The following ZCCHC17 variants were observed in gnomAD, a reference collection of about 807,000 sequenced individuals.
The protein encoded by ZCCHC17 is zinc finger CCHC domain-containing protein 17.
In ZCCHC17, 18 loss-of-function variants were observed where a neutral mutation model predicts 30.6. That is an observed-to-expected ratio of 0.59 (90% CI 0.41 to 0.87). The LOEUF is 0.87. Among genes scored for constraint, ZCCHC17 ranks in the 40% least tolerant of loss-of-function variants. The pLI, the probability that ZCCHC17 is intolerant of heterozygous loss-of-function variation, is 0.00. For synonymous variants in ZCCHC17, 88 were observed against 92.4 expected (o/e 0.95, Z 0.27); for missense variants, 263 against 284.2 (o/e 0.93, Z 0.54).
chr1:31,333,558 T>C (rs558254235), intron 3 of ZCCHC17, among the ~76,000 whole-genome samples: 22 of 152,170 alleles, frequency 1.4e-4, no homozygotes, highest in South Asian at 6.2e-4. Flanking sequence ...TGTGTGTGTG[T>C]ATGTGTGTGT....
intron 2 of ZCCHC17, chr1:31,318,129 T>G (rs1201020721): frequency 4.8e-6 from 7 of 1,459,892 alleles, no homozygotes; most frequent in Non-Finnish European, 6.4e-6. Flanking sequence ...TAAATAGCAG[T>G]GCAGTCAGGA....
chr1:31,337,063 A>G (rs1451661286), intron 3 of ZCCHC17, 112 bp from the exon 4 acceptor site: 1 of 963,484 alleles, frequency 1.0e-6, no homozygotes, highest in Non-Finnish European at 1.5e-6. Context: ...GCTTTTCAGT[A>G]AAAATTTTCA....
At chr1:31,342,609 C>G (rs1267623944) in intron 5 of ZCCHC17, among the ~76,000 whole-genome samples, 1 of 152,122 alleles carries the variant, frequency 6.6e-6, no homozygotes, top group Non-Finnish European at 1.5e-5. Context: ...GTTTGCACTC[C>G]TATGAGAATC....
intron 7 of ZCCHC17, among the ~76,000 whole-genome samples, chr1:31,353,835 T>A (rs1033877883): frequency 5.3e-5 from 8 of 152,236 alleles, no homozygotes; most frequent in Non-Finnish European, 7.3e-5. Flanking sequence ...TATGTCTTTA[T>A]GTCAGTACCA....
intron 7 of ZCCHC17, among the ~76,000 whole-genome samples, chr1:31,360,235 T>C (rs1639822306): frequency 6.6e-6 from 1 of 151,126 alleles, no homozygotes; most frequent in Non-Finnish European, 1.5e-5. Context: ...AGTGGCGCGA[T>C]CTTGGCTCAC....
At chr1:31,322,381 C>G (rs959572474) in intron 3 of ZCCHC17, among the ~76,000 whole-genome samples, 3 of 152,140 alleles carry the variant, frequency 2.0e-5, no homozygotes, top group African/African-American at 7.2e-5. Context: ...CCAGCACTTC[C>G]CCCCAAAGTT....
chr1:31,358,760 A>T (rs1176699540), intron 7 of ZCCHC17, among the ~76,000 whole-genome samples: 2 of 152,088 alleles, frequency 1.3e-5, no homozygotes, highest in Admixed American at 1.3e-4. Flanking sequence ...ATTCAAGTAG[A>T]CCATAGAGTA....
At chr1:31,351,255 A>G (rs1224440053) in intron 7 of ZCCHC17, among the ~76,000 whole-genome samples, 1 of 152,190 alleles carries the variant, frequency 6.6e-6, no homozygotes, top group African/African-American at 2.4e-5. Context: ...AAGTCCTGGC[A>G]GTGGTGCCTT....
intron 3 of ZCCHC17, among the ~76,000 whole-genome samples, chr1:31,336,713 G>A (rs979759757): frequency 3.9e-5 from 6 of 151,912 alleles, no homozygotes; most frequent in Admixed American, 2.6e-4. Flanking sequence ...CACCTGGGCT[G>A]GAGTGCAGTG....
At chr1:31,362,446 T>C (rs1251056544) in intron 7 of ZCCHC17, among the ~76,000 whole-genome samples, 1 of 152,204 alleles carries the variant, frequency 6.6e-6, no homozygotes, top group African/African-American at 2.4e-5. Context: ...ATGCCGTGCT[T>C]AAAATCTGCT....
chr1:31,329,405 G>A (rs1032846363), intron 3 of ZCCHC17, among the ~76,000 whole-genome samples: 1 of 151,864 alleles, frequency 6.6e-6, no homozygotes, highest in African/African-American at 2.4e-5. Context: ...ATGAAATTTT[G>A]AGAACAGATT....
At chr1:31,335,909 A>G (rs1022537835) in intron 3 of ZCCHC17, among the ~76,000 whole-genome samples, 2 of 151,996 alleles carry the variant, frequency 1.3e-5, no homozygotes, top group African/African-American at 2.4e-5. Flanking sequence ...ATTTTTTGTA[A>G]TTAATTTAAA....
rs535740438 is a variant in ZCCHC17 at position 31,317,642 on chromosome 1, A to T, written c.67-1467A>T. 8.7e-4 allele frequency among the ~76,000 whole-genome samples: 131 copies of T among 151,068 alleles called. 1 individual carries two copies. The highest frequency in any genetic ancestry group is 3.1e-3 in the African/African-American group (128 of 41,168). ...ACCTATACTGTTATTTTTTTTTTTTAAAGCTTTTTTAGAGATGGGTCTTGC... is the reference window on the plus strand; with the variant it reads ...ACCTATACTGTTATTTTTTTTTTTTTAAGCTTTTTTAGAGATGGGTCTTGC... On this transcript the variant is annotated intron_variant, in intron 2 of 7. Coordinates refer to ENST00000344147, the MANE Select transcript of ZCCHC17 (RefSeq NM_016505.4).
At chr1:31,322,505 A>G (rs1187979665) in intron 3 of ZCCHC17, among the ~76,000 whole-genome samples, 1 of 152,204 alleles carries the variant, frequency 6.6e-6, no homozygotes, top group East Asian at 1.9e-4. Context: ...GTGAGACCCA[A>G]AGTGTTCCGA....
chr1:31,334,809 T>G (rs1391223679), intron 3 of ZCCHC17, among the ~76,000 whole-genome samples: 2 of 152,344 alleles, frequency 1.3e-5, no homozygotes, highest in Admixed American at 1.3e-4. Flanking sequence ...CAAGCGACTA[T>G]ACCATAATTG....
At chr1:31,345,649 G>A (rs1428555808) in intron 5 of ZCCHC17, among the ~76,000 whole-genome samples, 1 of 79,816 alleles carries the variant, frequency 1.3e-5, no homozygotes, top group East Asian at 3.4e-4. Context: ...AGGTTTAATT[G>A]ACTTATAGTT....
intron 2 of ZCCHC17, among the ~76,000 whole-genome samples, chr1:31,312,818 G>C (rs1387128344): frequency 2.6e-5 from 4 of 152,102 alleles, no homozygotes; most frequent in African/African-American, 9.7e-5. Flanking sequence ...GGAGTGCAAT[G>C]GTGTGATCTC....
chr1:31,320,876 ACCACG>A (rs1646843869), intron 3 of ZCCHC17, among the ~76,000 whole-genome samples: 2 of 152,154 alleles, frequency 1.3e-5, no homozygotes, highest in South Asian at 4.1e-4. Context: ...TTCCAAAGTG[ACCACG>A]CCATTTTACA....
chr1:31,311,625 C>T (rs1646604068), intron 2 of ZCCHC17, among the ~76,000 whole-genome samples: 1 of 152,216 alleles, frequency 6.6e-6, no homozygotes, highest in African/African-American at 2.4e-5. Context: ...GCTGCATCCT[C>T]TGGAGGGAAG....
Sources: gnomAD v4.1 joint callset for allele counts (sites outside exome capture counted in the v4.1 genomes callset) on GRCh38, gnomAD v4.1.1 for gene constraint, MANE v1.5 for transcripts, NCBI Gene and HGNC (gene_info 2026-07-23, HGNC 2026-07-21) for gene names.